The following ZKSCAN1 variants were observed in gnomAD, a reference collection of about 807,000 sequenced individuals.
ZKSCAN1 encodes zinc finger with KRAB and SCAN domains 1, also known as zinc finger protein with KRAB and SCAN domains 1.
Under a neutral mutation model 51.6 loss-of-function variants are expected in ZKSCAN1, and 14 were observed. That is an observed-to-expected ratio of 0.27 (90% CI 0.18 to 0.42). The LOEUF is 0.42. Among genes scored for constraint, ZKSCAN1 ranks in the 10% least tolerant of loss-of-function variants. The pLI is 1.00. For synonymous variants in ZKSCAN1, 263 were observed against 261.5 expected, an observed-to-expected ratio of 1.01 and a Z score of -0.06; for missense variants, 531 against 710.0, an observed-to-expected ratio of 0.75 and a Z score of 2.86.
At position 100,024,150 on chromosome 7, in the gene ZKSCAN1, T is replaced by G. The variant is rs915915274; in HGVS notation, c.427-4T>G. 1.9e-6 allele frequency: 3 copies of G among 1,607,564 alleles called. No homozygotes were observed. Among genetic ancestry groups the G allele is most frequent in the Non-Finnish European group, 2.5e-6 (3 of 1,177,228 alleles). On this transcript the variant is annotated splice_region_variant and splice_polypyrimidine_tract_variant and intron_variant, in intron 2 of 5. Coordinates refer to ENST00000324306, the MANE Select transcript of ZKSCAN1 (RefSeq NM_003439.4). ...ACCCACAAGCCCAACCTGTCTGTCT[T>G]CAGGTCCCAGGTCAAGTTCATGGAC...
Position 100,038,290 on chromosome 7 carries a change from G to A in ZKSCAN1, c.*4093G>A, listed in dbSNP as rs1254193060. 3.0e-6 allele frequency: 3 copies of A among 985,288 alleles called. No homozygotes were observed. In the African/African-American group the frequency reaches 5.2e-5, roughly 17 times the overall value. 61.0% of individuals were successfully genotyped at this position (985,288 alleles called of 1,614,324 possible). The stretch of plus-strand genomic sequence containing the variant: ...TGACAGAACACATCACTCAGAAAAA[G>A]TGAAGTTTCAGAGCAAACAGTGAAG... On this transcript the variant is annotated 3_prime_UTR_variant, in exon 6 of 6. Transcript: ENST00000324306.
At position 100,033,866 on chromosome 7, in the gene ZKSCAN1, T is replaced by C. The variant is rs762765705; in HGVS notation, c.1361T>C (p.Ile454Thr). ...HSSNLILHQR[I>T]HSGEKPYECN... ...TCCAATCTCATCCTCCATCAGCGCA[T>C]CCACTCTGGAGAGAAACCTTATGAA... Residue 454 changes from isoleucine (I) to threonine (T), a missense_variant, in exon 6 of 6, where the codon ATC (isoleucine) becomes ACC (threonine). By Grantham distance (89) the Ile-to-Thr change is moderately conservative. Around this residue, in one of 2 missense-constraint regions of ZKSCAN1, gnomAD observed 128 missense variants for 219.5 expected, o/e 0.58. Transcript: ENST00000324306. The surrounding 1 kb of genome is among the most constrained non-coding windows in gnomAD (Gnocchi z 4.1). 6.2e-7 allele frequency: 1 copy of C among 1,614,150 alleles called. No individual in the cohort carries two copies.
chr7:100,028,399 A>G (rs930064137), intron 3 of ZKSCAN1, among the ~76,000 whole-genome samples: 2 of 151,918 alleles, frequency 1.3e-5, no homozygotes, highest in African/African-American at 2.4e-5. Flanking sequence ...CTGTAATCCT[A>G]GCATTTGGGG....
At chr7:100,045,300 C>A (rs889920205), downstream of ZKSCAN1, among the ~76,000 whole-genome samples, 2 of 151,848 alleles carry the variant, frequency 1.3e-5, no homozygotes, top group African/African-American at 4.8e-5. Flanking sequence ...GTAATCCCAG[C>A]ACTTTAGGAG....
Position 100,035,854 on chromosome 7 carries a change from T to G in ZKSCAN1, c.*1657T>G. The G allele has an allele frequency of 7.1e-6, 7 of 985,384 alleles. No individual in the cohort carries two copies. Among genetic ancestry groups the G allele is most frequent in the Non-Finnish European group, 8.4e-6 (7 of 829,930 alleles). The allele number at this position is 985,384 out of a possible 1,614,324, so 61.0% of individuals were successfully genotyped here. On this transcript the variant is annotated 3_prime_UTR_variant, in exon 6 of 6. Transcript: ENST00000324306. ...GGAGACTGTTTCACACACAGGAGAT[T>G]GTGAGCTGTGTAAGTAGTCATCGCC...
At chr7:100,042,835 T>A (rs1791634426), downstream of ZKSCAN1, among the ~76,000 whole-genome samples, 1 of 148,968 alleles carries the variant, frequency 6.7e-6, no homozygotes, top group Admixed American at 6.7e-5. Context: ...TCTCGCTCTG[T>A]CTCCCAGGCT....
At chr7:100,021,994 CATCCTCCCAA>C (rs1230748469) in intron 1 of ZKSCAN1, among the ~76,000 whole-genome samples, 6 of 152,248 alleles carry the variant, frequency 3.9e-5, no homozygotes, top group African/African-American at 1.4e-4. Flanking sequence ...CCTCCTGCCT[CATCCTCCCAA>C]AGGGCTGGAA....
In ZKSCAN1 at chr7:100,033,222, A is replaced by G; in HGVS notation, c.800-83A>G. On this transcript the variant is annotated intron_variant, in intron 5 of 5. Transcript: ENST00000324306. This position sits in a 1 kb window ranked among gnomAD's most constrained non-coding sequence, Gnocchi z 4.1. ...CAAAGTCATTTTGCAGCCGTGTAGA[A>G]GCTTCTCGGGAAACTGTCGCTTGAC... is the stretch of plus-strand genomic sequence containing the variant. The G allele has an allele frequency of 6.8e-7, 1 of 1,477,982 alleles. No individual in the cohort carries two copies. The allele number at this position is 1,477,982 out of a possible 1,614,324, so 91.6% of individuals were successfully genotyped here.
chr7:100,027,294 C>CAA (rs968136794), intron 3 of ZKSCAN1, among the ~76,000 whole-genome samples: 15 of 83,056 alleles, frequency 1.8e-4, no homozygotes, highest in African/African-American at 6.7e-4. Flanking sequence ...ACACTCATCT[C>CAA]AAAAAAAAAA....
At position 100,034,628 on chromosome 7, in the gene ZKSCAN1, A is replaced by T; in HGVS notation, c.*431A>T. On this transcript the variant is annotated 3_prime_UTR_variant, in exon 6 of 6. Coordinates refer to ENST00000324306, the MANE Select transcript of ZKSCAN1 (RefSeq NM_003439.4). ...CCCTACTTTGGCCAACATCCTGCTT[A>T]TTTCTCAAAAAAGAGGGACAGTGAA... 3.3e-6 allele frequency: 3 copies of T among 905,634 alleles called. No individual in the cohort carries two copies. Among genetic ancestry groups the T allele is most frequent in the Non-Finnish European group, 2.6e-6 (2 of 755,028 alleles). 56.1% of individuals were successfully genotyped at this position (905,634 alleles called of 1,614,324 possible).
rs1304001086 is a variant in ZKSCAN1 at position 100,037,519 on chromosome 7, G to C, written c.*3322G>C. On this transcript the variant is annotated 3_prime_UTR_variant, in exon 6 of 6. Coordinates refer to ENST00000324306, the MANE Select transcript of ZKSCAN1 (RefSeq NM_003439.4). ...CATAGACATCAGAGAATTTATTCCA[G>C]AAAGGAGCCTCCTGAATGTGATGAA... 1.7e-5 allele frequency: 17 copies of C among 985,324 alleles called. No homozygotes were observed. Among genetic ancestry groups the C allele is most frequent in the Non-Finnish European group, 2.0e-5 (17 of 829,938 alleles). 61.0% of individuals were successfully genotyped at this position (985,324 alleles called of 1,614,324 possible). A position where few individuals can be genotyped will look rare whatever the true frequency, so the allele number is the denominator to read the frequency against.
In ZKSCAN1 at chr7:100,023,600, G is replaced by T; in HGVS notation, c.94G>T (p.Asp32Tyr). The change falls in exon 2 of 6, where the codon GAT becomes TAT. Residue 32 changes from aspartate (D) to tyrosine (Y), a missense_variant. Transcript: ENST00000324306. The stretch of plus-strand genomic sequence containing the variant: ...CGTAATAGTGAAGGTGGAAGAGGAA[G>T]ATGAGGAAGACCACATGTGGGGGCA... Reference protein sequence around the residue: ...GIVIVKVEEEDEEDHMWGQDS... With the variant: ...GIVIVKVEEEYEEDHMWGQDS... The T allele has an allele frequency of 6.2e-7, 1 of 1,613,996 alleles. No individual in the cohort carries two copies. The highest frequency in any genetic ancestry group is 8.5e-7 in the Non-Finnish European group (1 of 1,180,044).
intron 1 of ZKSCAN1, among the ~76,000 whole-genome samples, chr7:100,021,116 CTTTTTTTTTT>C (rs60632908): frequency 2.3e-5 from 2 of 85,292 alleles, no homozygotes; most frequent in African/African-American, 8.6e-5. Flanking sequence ...TTTTTTTTTC[CTTTTTTTTTT>C]TTTTTTTTTT....
At chr7:100,042,318 C>CAAAAA (rs34258466), downstream of ZKSCAN1, among the ~76,000 whole-genome samples, 2 of 43,674 alleles carry the variant, frequency 4.6e-5, no homozygotes, top group African/African-American at 1.7e-4. Context: ...GACTTTGTCT[C>CAAAAA]AAAAAAAAAA....
rs563947289 is a variant in ZKSCAN1 at position 100,026,266 on chromosome 7, A to G, written c.580+1959A>G. Among the ~76,000 whole-genome samples the G allele has an allele frequency of 2.3e-4, 33 of 145,558 alleles. No homozygotes were observed. In the East Asian group the frequency reaches 6.1e-3, roughly 27 times the overall value. On this transcript the variant is annotated intron_variant, in intron 3 of 5. Transcript: ENST00000324306. Reference sequence around the variant, plus strand: ...AAAAAAAAAAAAAAAGTACACCTGTATGGAACACTTAACCATGACTGGAGC... The same window carrying G: ...AAAAAAAAAAAAAAAGTACACCTGTGTGGAACACTTAACCATGACTGGAGC...
In ZKSCAN1 at chr7:100,037,471, C is replaced by CGT; in HGVS notation, c.*3278_*3279dup. The CGT allele has an allele frequency of 1.0e-6, 1 of 985,412 alleles. No individual in the cohort carries two copies. The highest frequency in any genetic ancestry group is 1.2e-6 in the Non-Finnish European group (1 of 829,924). 61.0% of individuals were successfully genotyped at this position (985,412 alleles called of 1,614,324 possible). ...TGCTAAATATGTATAGAGAGGTTGA[C>CGT]GTGTGATACGTGGGACAGTTCACAT... On this transcript the variant is annotated 3_prime_UTR_variant, in exon 6 of 6. Transcript: ENST00000324306.
At chr7:100,028,259 A>G (rs1030059470) in intron 3 of ZKSCAN1, among the ~76,000 whole-genome samples, 2 of 152,088 alleles carry the variant, frequency 1.3e-5, no homozygotes, top group African/African-American at 4.8e-5. Context: ...AGGCTGAGGC[A>G]GCAGAATCAC....
Position 100,041,252 on chromosome 7 carries a change from G to A in ZKSCAN1, c.*7055G>A, listed in dbSNP as rs1334040218. On this transcript the variant is annotated 3_prime_UTR_variant, in exon 6 of 6. Coordinates refer to ENST00000324306, the MANE Select transcript of ZKSCAN1 (RefSeq NM_003439.4). The stretch of plus-strand genomic sequence containing the variant: ...ATACCCGCAGAATGAAGTTACTGTT[G>A]TTAAAACTGGATTTTTTCATTTTAC... The A allele has an allele frequency of 2.2e-6, 2 of 929,196 alleles. No homozygotes were observed. Among genetic ancestry groups the A allele is most frequent in the Non-Finnish European group, 2.6e-6 (2 of 778,954 alleles). The allele number at this position is 929,196 out of a possible 1,614,324, so 57.6% of individuals were successfully genotyped here.
rs1396637914 is a variant in ZKSCAN1 at position 100,015,666 on chromosome 7, G to C, written c.-149G>C. On this transcript the variant is annotated 5_prime_UTR_variant, in exon 1 of 6. Coordinates refer to ENST00000324306, the MANE Select transcript of ZKSCAN1 (RefSeq NM_003439.4). The stretch of plus-strand genomic sequence containing the variant: ...GTGTGCGGTGCCCTTCGGCCGGCCT[G>C]AGCCCCAGAGTCAGCTCCCCTTTCT... 1 of 152,292 alleles carries C rather than the reference G, an allele frequency of 6.6e-6. No homozygotes were observed. Among genetic ancestry groups the C allele is most frequent in the African/African-American group, 2.4e-5 (1 of 41,454 alleles). 9.4% of individuals were successfully genotyped at this position (152,292 alleles called of 1,614,324 possible). A position where few individuals can be genotyped will look rare whatever the true frequency, so the allele number is the denominator to read the frequency against.
Sources: allele counts gnomAD v4.1 joint callset (sites outside exome capture counted in the v4.1 genomes callset), GRCh38; gene constraint gnomAD v4.1.1; regional missense constraint gnomAD v4.1.1; non-coding constraint Gnocchi (gnomAD v3.1); transcripts MANE v1.5; gene names NCBI Gene and HGNC (gene_info 2026-07-23, HGNC 2026-07-21).